CLEC3A: variants seen among roughly 807,000 people sequenced by gnomAD.
CLEC3A encodes C-type (calcium dependent, carbohydrate-recognition domain) lectin, superfamily member 1 (cartilage-derived).
CLEC3A carries 28 observed loss-of-function variants against 20.4 expected under a neutral mutation model. The ratio of observed to expected loss-of-function variants is 1.37; its 90% CI spans 1.02 to 1.88. The LOEUF (loss-of-function observed/expected upper bound fraction) is 1.88, where lower values mean the gene tolerates loss of function less well. Ranked by LOEUF, CLEC3A falls within the 40% of genes most tolerant of loss-of-function variation. CLEC3A has a pLI of 0.00. For synonymous variants in CLEC3A, 110 were observed against 88.1 expected, an observed-to-expected ratio of 1.25 and a Z score of -1.39; for missense variants, 357 against 240.4, an observed-to-expected ratio of 1.48 and a Z score of -3.21.
Position 78,022,575 on chromosome 16 carries a change from T to A in CLEC3A, c.-52T>A. On this transcript the variant is annotated 5_prime_UTR_variant, in exon 1 of 3. Coordinates refer to ENST00000299642, the MANE Select transcript of CLEC3A (RefSeq NM_005752.6). Reference sequence around the variant, plus strand: ...GATGTAGCTGTGTAGTCTCCTTCCATAGCTGCTCTAAGGGGGCTGGCAACA... The same window carrying A: ...GATGTAGCTGTGTAGTCTCCTTCCAAAGCTGCTCTAAGGGGGCTGGCAACA... 1 of 1,603,694 alleles carries A rather than the reference T, an allele frequency of 6.2e-7. No individual in the cohort carries two copies. Among genetic ancestry groups the A allele is most frequent in the Non-Finnish European group, 8.5e-7 (1 of 1,175,114 alleles).
chr16:78,027,292 G>C (rs760217543), intron 1 of CLEC3A, among the ~76,000 whole-genome samples: 1 of 152,138 alleles, frequency 6.6e-6, no homozygotes, highest in African/African-American at 2.4e-5. Flanking sequence ...TGAGACTAGA[G>C]AATGAAGAAA....
At position 78,030,728 on chromosome 16, in the gene CLEC3A, G is replaced by T. The variant is rs762436240; in HGVS notation, c.481G>T (p.Gly161Cys). The change falls in exon 3 of 3, where the codon GGT becomes TGT. Residue 161 changes from glycine (G) to cysteine (C), a missense_variant. Gly to Cys is a radical substitution (Grantham distance 159, BLOSUM62 -3). Coordinates refer to ENST00000299642, the MANE Select transcript of CLEC3A (RefSeq NM_005752.6). ...FLNWDRAQPN[G>C]GKRENCVLFS... ...CAACTGGGACCGTGCACAGCCTAAC[G>T]GTGGCAAGCGAGAAAACTGTGTCCT... is the stretch of plus-strand genomic sequence containing the variant. The T allele has an allele frequency of 6.2e-7, 1 of 1,614,074 alleles. No homozygotes were observed. The highest frequency in any genetic ancestry group is 1.1e-5 in the South Asian group (1 of 91,074).
At chr16:78,023,900 G>A (rs2018780100) in intron 1 of CLEC3A, among the ~76,000 whole-genome samples, 1 of 151,944 alleles carries the variant, frequency 6.6e-6, no homozygotes, top group South Asian at 2.1e-4. Flanking sequence ...TAGGACTACA[G>A]GCGCCTGCCA....
chr16:78,025,917 T>A (rs1327044269), intron 1 of CLEC3A, among the ~76,000 whole-genome samples: 1 of 152,130 alleles, frequency 6.6e-6, no homozygotes, highest in Admixed American at 6.5e-5. Flanking sequence ...AATCTCCCAG[T>A]AGAGGCCACT....
Position 78,031,405 on chromosome 16 carries a change from CA to C in CLEC3A, c.*565del, listed in dbSNP as rs1198193777. The C allele has an allele frequency of 6.6e-6, 1 of 152,162 alleles. No homozygotes were observed. Among genetic ancestry groups the C allele is most frequent in the Non-Finnish European group, 1.5e-5 (1 of 68,072 alleles). The allele number at this position is 152,162 out of a possible 1,614,324, so 9.4% of individuals were successfully genotyped here. A position where few individuals can be genotyped will look rare whatever the true frequency, so the allele number is the denominator to read the frequency against. Reference sequence around the variant, plus strand: ...TTGTATCTTGTCTGCCATATCAGAACACAAACCCCTGAAGAGGTTCTGATTT... The same window carrying C: ...TTGTATCTTGTCTGCCATATCAGAACCAAACCCCTGAAGAGGTTCTGATTT... On this transcript the variant is annotated 3_prime_UTR_variant, in exon 3 of 3. Transcript: ENST00000299642.
rs910919100 is a variant in CLEC3A, at chr16:78,030,983, G to A, written c.*142G>A. The stretch of plus-strand genomic sequence containing the variant: ...TGTCCATAGCAATATGATAGCATCA[G>A]CCAATTTTGCTAACACATTTCTTTG... On this transcript the variant is annotated 3_prime_UTR_variant, in exon 3 of 3. Transcript: ENST00000299642. The A allele has an allele frequency of 3.5e-5, 32 of 909,734 alleles. No individual in the cohort carries two copies. The East Asian group carries it at 8.2e-4, about 23-fold the overall frequency. 56.4% of individuals were successfully genotyped at this position (909,734 alleles called of 1,614,324 possible). A position where few individuals can be genotyped will look rare whatever the true frequency, so the allele number is the denominator to read the frequency against.
Position 78,030,848 on chromosome 16 carries a change from C to T in CLEC3A, c.*7C>T. Reference sequence around the variant, plus strand: ...GTTCACCATCCCTCAATAGGTCTTTCTCCAATGTGTCCTCCAAGCAAGATT... The same window carrying T: ...GTTCACCATCCCTCAATAGGTCTTTTTCCAATGTGTCCTCCAAGCAAGATT... On this transcript the variant is annotated 3_prime_UTR_variant, in exon 3 of 3. Coordinates refer to ENST00000299642, the MANE Select transcript of CLEC3A (RefSeq NM_005752.6). 2 of 1,600,606 alleles carry T rather than the reference C, an allele frequency of 1.2e-6. No homozygotes were observed. The highest frequency in any genetic ancestry group is 1.7e-5 in the Admixed American group (1 of 58,574).
intron 1 of CLEC3A, among the ~76,000 whole-genome samples, chr16:78,027,206 G>C (rs117475164): frequency 0.02 from 2,968 of 152,066 alleles, 35 homozygotes; most frequent in Middle Eastern, 0.034. Flanking sequence ...TAATAAGACA[G>C]ATGAAATAAA....
At chr16:78,029,444 C>T (rs1231137495) in intron 2 of CLEC3A, among the ~76,000 whole-genome samples, 1 of 152,190 alleles carries the variant, frequency 6.6e-6, no homozygotes, top group East Asian at 1.9e-4. Context: ...TCTCGGCTCA[C>T]TGCAACCTCT....
rs533174588 is a variant in CLEC3A, at chr16:78,024,630, AC to A, written c.115+1891del. ...GATTCTACAGTAGGTGAAGCAATAA[AC>A]CTAAACCGATCAAGCAATTATATCC... On this transcript the variant is annotated intron_variant, in intron 1 of 2. Transcript: ENST00000299642. Among the ~76,000 whole-genome samples the A allele has an allele frequency of 7.2e-5, 11 of 152,246 alleles. 1 individual carries two copies. The South Asian group carries it at 2.1e-3, about 29-fold the overall frequency.
chr16:78,023,992 C>T (rs999134537), intron 1 of CLEC3A, among the ~76,000 whole-genome samples: 3 of 151,996 alleles, frequency 2.0e-5, no homozygotes, highest in Admixed American at 6.6e-5. Context: ...CTCCTGACCT[C>T]GTGATTCGTC....
chr16:78,027,278 G>A (rs2029951263), intron 1 of CLEC3A, among the ~76,000 whole-genome samples: 1 of 152,186 alleles, frequency 6.6e-6, no homozygotes, highest in African/African-American at 2.4e-5. Context: ...AATAAAATGT[G>A]AACTGAGACT....
In CLEC3A at chr16:78,031,988, A is replaced by G. The variant is rs939793975; in HGVS notation, c.*1147A>G. 5.2e-5 allele frequency: 8 copies of G among 152,758 alleles called. No homozygotes were observed. The East Asian group carries it at 5.8e-4, about 11-fold the overall frequency. The allele number at this position is 152,758 out of a possible 1,614,324, so 9.5% of individuals were successfully genotyped here. A position where few individuals can be genotyped will look rare whatever the true frequency, so the allele number is the denominator to read the frequency against. On this transcript the variant is annotated 3_prime_UTR_variant, in exon 3 of 3. Coordinates refer to ENST00000299642, the MANE Select transcript of CLEC3A (RefSeq NM_005752.6). Reference sequence around the variant, plus strand: ...TTCTTCAAATAAATAGTGTTTAAACATTGAATGTGTTTTGTGAACAATATC... The same window carrying G: ...TTCTTCAAATAAATAGTGTTTAAACGTTGAATGTGTTTTGTGAACAATATC...
At chr16:78,029,090 G>A (rs1335407969) in intron 2 of CLEC3A, 1 of 453,958 alleles carries the variant, frequency 2.2e-6, no homozygotes, top group African/African-American at 2.0e-5. Context: ...TAATCCTCCA[G>A]CAACTTAAGC....
chr16:78,022,825 C>T, intron 1 of CLEC3A, 84 bp downstream of exon 1: 1 of 1,434,590 alleles, frequency 7.0e-7, no homozygotes, highest in Non-Finnish European at 9.5e-7. Flanking sequence ...CAAACTCCTC[C>T]AGGAGACTAT....
At chr16:78,023,317 T>C (rs2142585205) in intron 1 of CLEC3A, among the ~76,000 whole-genome samples, 1 of 152,286 alleles carries the variant, frequency 6.6e-6, no homozygotes, top group East Asian at 1.9e-4. Context: ...AGACATTGAA[T>C]CTCTCCAACT....
In CLEC3A at chr16:78,030,976, A is replaced by G. The variant is rs2030085287; in HGVS notation, c.*135A>G. The stretch of plus-strand genomic sequence containing the variant: ...AGATCAATGTCCATAGCAATATGAT[A>G]GCATCAGCCAATTTTGCTAACACAT... On this transcript the variant is annotated 3_prime_UTR_variant, in exon 3 of 3. Transcript: ENST00000299642. 5 of 972,946 alleles carry G rather than the reference A, an allele frequency of 5.1e-6. No individual in the cohort carries two copies. The highest frequency in any genetic ancestry group is 7.4e-6 in the Non-Finnish European group (5 of 679,974). The allele number at this position is 972,946 out of a possible 1,614,324, so 60.3% of individuals were successfully genotyped here.
Position 78,022,566 on chromosome 16 carries a change from C to A in CLEC3A, c.-61C>A. The stretch of plus-strand genomic sequence containing the variant: ...CCAGAGCAAGATGTAGCTGTGTAGT[C>A]TCCTTCCATAGCTGCTCTAAGGGGG... On this transcript the variant is annotated 5_prime_UTR_variant, in exon 1 of 3. Coordinates refer to ENST00000299642, the MANE Select transcript of CLEC3A (RefSeq NM_005752.6). The A allele has an allele frequency of 1.3e-6, 2 of 1,592,234 alleles. No individual in the cohort carries two copies. The highest frequency in any genetic ancestry group is 1.7e-6 in the Non-Finnish European group (2 of 1,169,918).
chr16:78,030,831 T>A lies in CLEC3A; in HGVS notation c.584T>A (p.Ile195Asn). ...AAGAGATACATATGCGAGTTCACCA[T>A]CCCTCAATAGGTCTTTCTCCAATGT... ...SSKRYICEFT[I>N]PQ is the part of the protein sequence containing the mutation. The change falls in exon 3 of 3, where the codon ATC becomes AAC. Residue 195 changes from isoleucine to asparagine, a missense_variant. Coordinates refer to ENST00000299642, the MANE Select transcript of CLEC3A (RefSeq NM_005752.6). 3.1e-6 allele frequency: 5 copies of A among 1,611,952 alleles called. No individual in the cohort carries two copies. Among genetic ancestry groups the A allele is most frequent in the Non-Finnish European group, 4.2e-6 (5 of 1,178,794 alleles).
Sources: allele counts gnomAD v4.1 joint callset (sites outside exome capture counted in the v4.1 genomes callset), GRCh38; gene constraint gnomAD v4.1.1; transcripts MANE v1.5; gene names NCBI Gene and HGNC (gene_info 2026-07-23, HGNC 2026-07-21).